Variants in CRIPTO observed in about 807,000 individuals in gnomAD.
CRIPTO encodes the protein protein Cripto.
chr3:46,579,971 A>G, the CRIPTO span: 3 of 1,614,256 alleles, frequency 1.9e-6, no homozygotes, highest in Non-Finnish European at 2.5e-6. Context: ...TCTGTGCCCC[A>G]TGACACCTGG....
the CRIPTO span, chr3:46,579,736 C>G: frequency 1.2e-6 from 2 of 1,611,932 alleles, no homozygotes; most frequent in South Asian, 2.2e-5. Context: ...TCTTACCTTT[C>G]AGGTAAGGAG....
chr3:46,579,123 G>A, the CRIPTO span: 3 of 1,614,156 alleles, frequency 1.9e-6, no homozygotes, highest in Non-Finnish European at 2.5e-6. Flanking sequence ...CATTTCTAAA[G>A]TCTTTGAACT....
chr3:46,575,585 A>G, the CRIPTO span, among the ~76,000 whole-genome samples: 1 of 152,218 alleles, frequency 6.6e-6, no homozygotes, highest in Non-Finnish European at 1.5e-5. Flanking sequence ...CAATGACAAC[A>G]TCGCCAGACT....
the CRIPTO span, chr3:46,579,179 C>T: frequency 1.1e-5 from 18 of 1,614,140 alleles, no homozygotes; most frequent in Non-Finnish European, 1.5e-5. Flanking sequence ...TGATCACTCT[C>T]AATTTTTATG....
chr3:46,580,970 C>T, the CRIPTO span, among the ~76,000 whole-genome samples: 4 of 152,340 alleles, frequency 2.6e-5, no homozygotes, highest in East Asian at 7.7e-4. Flanking sequence ...CCAGGTTGTG[C>T]TCATTCCTGC....
chr3:46,580,103 G>T, the CRIPTO span: 3 of 1,613,948 alleles, frequency 1.9e-6, no homozygotes, highest in South Asian at 2.2e-5. Flanking sequence ...TTGAAGTTAC[G>T]TAGTTGCCTT....
the CRIPTO span, among the ~76,000 whole-genome samples, chr3:46,575,947 C>T: frequency 6.6e-6 from 1 of 152,178 alleles, no homozygotes; most frequent in South Asian, 2.1e-4. Context: ...GCGGAGCCCT[C>T]CCCCACCTCC....
chr3:46,578,042 C>T, the CRIPTO span: 11,076 of 1,607,368 alleles, frequency 6.9e-3, 680 homozygotes, highest in African/African-American at 0.13. Flanking sequence ...TTTTTGATTG[C>T]TAGAGATTGC....
At chr3:46,577,307 C>T in the CRIPTO span, 1 of 153,340 alleles carries the variant, frequency 6.5e-6, no homozygotes, top group African/African-American at 2.4e-5. Flanking sequence ...GAGAGCACCC[C>T]TTTCTTGGCC....
the CRIPTO span, chr3:46,581,517 T>C: frequency 1.7e-6 from 1 of 601,820 alleles, no homozygotes; most frequent in Non-Finnish European, 2.9e-6. Context: ...TTTCTTTTTT[T>C]TTTTTTTTTT....
chr3:46,581,055 G>GAT, the CRIPTO span: 2 of 1,075,052 alleles, frequency 1.9e-6, no homozygotes, highest in Non-Finnish European at 2.9e-6. Flanking sequence ...GTAGCGTATA[G>GAT]ATATGCCACA....
At chr3:46,576,202 G>A in the CRIPTO span, among the ~76,000 whole-genome samples, 1 of 152,194 alleles carries the variant, frequency 6.6e-6, no homozygotes, top group Non-Finnish European at 1.5e-5. Context: ...GGGCGCGGTA[G>A]CTCATGCCTG....
chr3:46,579,327 C>T, the CRIPTO span: 7 of 1,614,048 alleles, frequency 4.3e-6, no homozygotes, highest in Admixed American at 3.3e-5. Context: ...AATTCGGCCT[C>T]GGTCTTCCCA....
chr3:46,580,555 ACC>A, the CRIPTO span, among the ~76,000 whole-genome samples: 5,337 of 152,090 alleles, frequency 0.035, 215 homozygotes, highest in East Asian at 0.16. Flanking sequence ...TGGTCACAGA[ACC>A]CTTACCATGA....
chr3:46,576,988 G>T, the CRIPTO span, among the ~76,000 whole-genome samples: 1 of 152,094 alleles, frequency 6.6e-6, no homozygotes, highest in Non-Finnish European at 1.5e-5. Flanking sequence ...TGGGAGCTGG[G>T]AGGCTGAGAT....
chr3:46,579,722 C>T, the CRIPTO span: 2 of 1,611,900 alleles, frequency 1.2e-6, no homozygotes, highest in Non-Finnish European at 1.7e-6. Flanking sequence ...CCTCAGTCAT[C>T]TGTTCTTACC....
chr3:46,579,368 T>G, the CRIPTO span: 1 of 1,614,124 alleles, frequency 6.2e-7, no homozygotes, highest in Non-Finnish European at 8.5e-7. Context: ...TACAGCACAG[T>G]AAGAACTGCC....
the CRIPTO span, chr3:46,579,917 A>G: frequency 6.2e-7 from 1 of 1,614,136 alleles, no homozygotes; most frequent in Non-Finnish European, 8.5e-7. Context: ...GAAATTTCAG[A>G]CCCAAGGCTA....
At chr3:46,581,408 C>A in the CRIPTO span, 1 of 705,890 alleles carries the variant, frequency 1.4e-6, no homozygotes, top group Non-Finnish European at 2.5e-6. Context: ...CATTTCCTTA[C>A]AGAACTACTT....
Sources: allele counts gnomAD v4.1 joint callset (sites outside exome capture counted in the v4.1 genomes callset), GRCh38; gene constraint gnomAD v4.1.1; transcripts MANE v1.5; gene names NCBI Gene and HGNC (gene_info 2026-07-23, HGNC 2026-07-21).